Variants in CCDC18 observed in about 807,000 individuals in gnomAD.
The protein encoded by CCDC18 is coiled-coil domain-containing protein 18.
In CCDC18, 157 loss-of-function variants were observed where a neutral mutation model predicts 196.0. The observed-to-expected ratio is 0.80, with a 90% confidence interval of 0.70 to 0.91. The LOEUF (loss-of-function observed/expected upper bound fraction) is 0.91, where lower values mean the gene tolerates loss of function less well. Ranked by LOEUF, CCDC18 falls within the 40% of genes least tolerant of loss-of-function variation. The pLI is 0.00. For missense variants in CCDC18, 1,465 were observed against 1,611.6 expected, an observed-to-expected ratio of 0.91 and a Z score of 1.56; for synonymous variants, 482 against 529.2, an observed-to-expected ratio of 0.91 and a Z score of 1.22.
At chr1:93,239,533 A>C in intron 20 of CCDC18, 60 bp downstream of exon 20, 1 of 1,531,356 alleles carries the variant, frequency 6.5e-7, no homozygotes, top group Non-Finnish European at 8.8e-7. Context: ...GAAGTGAAAT[A>C]ATGTGAGAAT....
intron 25 of CCDC18, 105 bp from the exon 26 acceptor site, chr1:93,258,643 A>G (rs1003131255): frequency 3.5e-6 from 3 of 857,488 alleles, no homozygotes; most frequent in African/African-American, 1.8e-5. Context: ...CTGTGTTTAT[A>G]TAATATAAAA....
At chr1:93,242,960 C>T (rs1422073978) in intron 21 of CCDC18, among the ~76,000 whole-genome samples, 1 of 152,240 alleles carries the variant, frequency 6.6e-6, no homozygotes, top group African/African-American at 2.4e-5. Flanking sequence ...TGGCTGCTTC[C>T]ACCGGCTGGC....
chr1:93,221,633 G>T lies in CCDC18; in HGVS notation c.1987G>T (p.Asp663Tyr). 6.5e-7 allele frequency: 1 copy of T among 1,546,388 alleles called. No individual in the cohort carries two copies. Residue 663 changes from aspartate (D) to tyrosine (Y), a missense_variant, in exon 15 of 29, where the codon GAC becomes TAC. Asp to Tyr is a radical substitution (Grantham distance 160, BLOSUM62 -3). Transcript: ENST00000690025. ...ERLEAQLEKK[D>Y]QQFKEQEKTM... The stretch of plus-strand genomic sequence containing the variant: ...GCTTGAAGCTCAACTAGAGAAAAAG[G>T]ACCAACAATTTAAAGAACAAGAAAA...
At chr1:93,236,465 T>C in intron 19 of CCDC18, 75 bp downstream of exon 19, 1 of 1,378,650 alleles carries the variant, frequency 7.3e-7, no homozygotes, top group Non-Finnish European at 9.9e-7. Flanking sequence ...TCAGATAATG[T>C]TCAGTGGAGC....
intron 4 of CCDC18, chr1:93,191,088 ATTTT>A (rs5776172): frequency 4.8e-3 from 2,264 of 467,670 alleles, no homozygotes; most frequent in South Asian, 1.0e-2. Context: ...CAGCAAGGAG[ATTTT>A]TTTTTTTTTT....
intron 7 of CCDC18, among the ~76,000 whole-genome samples, chr1:93,203,791 A>C (rs72717318): frequency 0.055 from 8,385 of 152,078 alleles, 304 homozygotes; most frequent in South Asian, 0.071. Context: ...TGATAATGCC[A>C]CTGCACTCAG....
intron 3 of CCDC18, 118 bp from the exon 4 acceptor site, chr1:93,186,227 A>G: frequency 1.1e-6 from 1 of 879,584 alleles, no homozygotes; most frequent in Non-Finnish European, 1.8e-6. Flanking sequence ...AAGTATTTTA[A>G]CTCATTTTCT....
At position 93,258,796 on chromosome 1, in the gene CCDC18, C is replaced by T. The variant is rs183806092; in HGVS notation, c.3595C>T (p.Arg1199Cys). 39 of 1,591,512 alleles carry T rather than the reference C, an allele frequency of 2.5e-5. No homozygotes were observed. Among genetic ancestry groups the T allele is most frequent in the East Asian group, 6.9e-5 (3 of 43,264 alleles). The change falls in exon 26 of 29, where the codon CGT becomes TGT. Residue 1199 changes from arginine to cysteine, a missense_variant. By Grantham distance (180) the Arg-to-Cys change is radical. Transcript: ENST00000690025. ...TGAAGAACTGGGGGCTTCTAAAGTA[C>T]GTGAAGCTCATTTAGAAGCAAGAAT... ...LAEELGASKV[R>C]EAHLEARMQA...
chr1:93,211,258 A>C (rs2101995251), intron 10 of CCDC18, among the ~76,000 whole-genome samples: 1 of 141,720 alleles, frequency 7.1e-6, no homozygotes, highest in African/African-American at 2.5e-5. Context: ...AGCCTGAGCA[A>C]CAGAGTGAGA....
chr1:93,241,301 T>C (rs986258977), intron 21 of CCDC18, among the ~76,000 whole-genome samples: 2 of 152,124 alleles, frequency 1.3e-5, no homozygotes, highest in Non-Finnish European at 2.9e-5. Flanking sequence ...TCTTTTCTGT[T>C]ATCCTTAGCA....
chr1:93,207,247 T>C lies in CCDC18; in HGVS notation c.1058T>C (p.Ile353Thr), dbSNP rs781620087. Residue 353 changes from isoleucine to threonine, a missense_variant, in exon 9 of 29, where the codon ATA (isoleucine) becomes ACA (threonine). Ile to Thr is a moderately conservative substitution (Grantham distance 89, BLOSUM62 -1). Transcript: ENST00000690025. ...LESELENKDEILRDKFSLMNE... is the reference protein window; with the variant it reads ...LESELENKDETLRDKFSLMNE... Reference sequence around the variant, plus strand: ...AGTGAGTTAGAGAACAAAGACGAAATACTTAGAGACAAATTTTCTTTAATG... The same window carrying C: ...AGTGAGTTAGAGAACAAAGACGAAACACTTAGAGACAAATTTTCTTTAATG... 1 of 1,613,602 alleles carries C rather than the reference T, an allele frequency of 6.2e-7. No individual in the cohort carries two copies. The highest frequency in any genetic ancestry group is 8.5e-7 in the Non-Finnish European group (1 of 1,179,760).
At chr1:93,265,592 T>C (rs1159215957) in intron 27 of CCDC18, among the ~76,000 whole-genome samples, 1 of 152,108 alleles carries the variant, frequency 6.6e-6, no homozygotes, top group Non-Finnish European at 1.5e-5. Flanking sequence ...GTTTTGTTAA[T>C]TGTGATTTTA....
intron 28 of CCDC18, among the ~76,000 whole-genome samples, chr1:93,275,284 T>G (rs914779635): frequency 3.3e-5 from 5 of 152,204 alleles, no homozygotes; most frequent in African/African-American, 1.2e-4. Flanking sequence ...ATTTTTGCAT[T>G]TTTTAGTAGA....
intron 21 of CCDC18, among the ~76,000 whole-genome samples, chr1:93,242,032 C>T (rs1270227488): frequency 6.6e-6 from 1 of 152,008 alleles, no homozygotes; most frequent in Non-Finnish European, 1.5e-5. Flanking sequence ...CCATATGACT[C>T]AGTAATTCCA....
intron 23 of CCDC18, among the ~76,000 whole-genome samples, chr1:93,248,915 T>A (rs1570564565): frequency 6.7e-6 from 1 of 149,746 alleles, no homozygotes; most frequent in Non-Finnish European, 1.5e-5. Flanking sequence ...AGAGGCTGCA[T>A]TGAGCCATGA....
Position 93,190,986 on chromosome 1 carries a change from CTG to C in CCDC18, c.463-1010_463-1009del, listed in dbSNP as rs935325174. 2.5e-5 allele frequency: 25 copies of C among 1,012,100 alleles called. No homozygotes were observed. In the African/African-American group the frequency reaches 3.6e-4, roughly 14 times the overall value. The allele number at this position is 1,012,100 out of a possible 1,614,324, so 62.7% of individuals were successfully genotyped here. A position where few individuals can be genotyped will look rare whatever the true frequency, so the allele number is the denominator to read the frequency against. On this transcript the variant is annotated intron_variant, in intron 4 of 28. Transcript: ENST00000690025. Reference sequence around the variant, plus strand: ...ACAGAGAATCCTTGCCCTTCTTGTACTGTGTCACTTTCTAGGGTTGGTGCTTG... The same window carrying C: ...ACAGAGAATCCTTGCCCTTCTTGTACTGTCACTTTCTAGGGTTGGTGCTTG...
At chr1:93,208,249 C>T (rs1328516772) in intron 9 of CCDC18, among the ~76,000 whole-genome samples, 3 of 152,144 alleles carry the variant, frequency 2.0e-5, no homozygotes, top group Admixed American at 6.5e-5. Context: ...ACTTCCTTGC[C>T]AACACTTGTT....
At chr1:93,190,407 G>A (rs528434468) in intron 4 of CCDC18, among the ~76,000 whole-genome samples, 120 of 152,302 alleles carry the variant, frequency 7.9e-4, no homozygotes, top group Non-Finnish European at 1.4e-3. Flanking sequence ...AGAATTGCTT[G>A]AACCCAGAGG....
In CCDC18 at chr1:93,201,972, C is replaced by T. The variant is rs1557618351; in HGVS notation, c.779C>T (p.Ala260Val). 6.2e-7 allele frequency: 1 copy of T among 1,605,670 alleles called. No homozygotes were observed. The highest frequency in any genetic ancestry group is 8.5e-7 in the Non-Finnish European group (1 of 1,175,114). Residue 260 changes from alanine (A) to valine (V), a missense_variant, in exon 7 of 29, where the codon GCT (alanine) becomes GTT (valine). Ala to Val is a moderately conservative substitution (Grantham distance 64). Coordinates refer to ENST00000690025, the MANE Select transcript of CCDC18 (RefSeq NM_001378204.1). Reference protein sequence around the residue: ...KAFQQYKKKVAEKLEKVQAEE... With the variant: ...KAFQQYKKKVVEKLEKVQAEE... ...TTCCAACAATATAAAAAAAAAGTGG[C>T]TGAAAAACTGGAAAAGGTAAAAGGC...
Sources: gnomAD v4.1 joint callset for allele counts (sites outside exome capture counted in the v4.1 genomes callset) on GRCh38, gnomAD v4.1.1 for gene constraint, MANE v1.5 for transcripts, NCBI Gene and HGNC (gene_info 2026-07-23, HGNC 2026-07-21) for gene names.